The following DNAJC16 variants were observed in gnomAD, a reference collection of about 807,000 sequenced individuals.
The protein encoded by DNAJC16 is DnaJ heat shock protein family (Hsp40) member C16, also known as dnaJ homolog subfamily C member 16.
Under a neutral mutation model 92.7 loss-of-function variants are expected in DNAJC16, and 76 were observed. The ratio of observed to expected loss-of-function variants is 0.82; its 90% CI spans 0.68 to 0.99. The LOEUF (loss-of-function observed/expected upper bound fraction) is 0.99. DNAJC16 is among the 50% of genes least tolerant of loss of function. The pLI is 0.00. For synonymous variants in DNAJC16, 328 were observed against 358.7 expected (o/e 0.91, Z 0.97); for missense variants, 869 against 942.4 (o/e 0.92, Z 1.02).
chr1:15,537,058 C>T (rs1481862881), intron 4 of DNAJC16, among the ~76,000 whole-genome samples: 3 of 152,112 alleles, frequency 2.0e-5, no homozygotes, highest in Non-Finnish European at 4.4e-5. Context: ...ACCACGTTGG[C>T]CAGGCCGGCT....
Position 15,529,120 on chromosome 1 carries a change from G to A in DNAJC16, c.15G>A (p.Lys5=). The part of the protein sequence containing the change: MEVR[K]LSISWQFLIV... ...AAGGAAGAGAAATGGAAGTGAGAAA[G>A]TTGAGCATTTCCTGGCAGTTCTTGA... The change falls in exon 2 of 15, where the codon AAG becomes AAA. Residue 5 remains lysine (K), a synonymous_variant. Transcript: ENST00000375847. 1 of 1,613,648 alleles carries A rather than the reference G, an allele frequency of 6.2e-7. No individual in the cohort carries two copies. Among genetic ancestry groups the A allele is most frequent in the Non-Finnish European group, 8.5e-7 (1 of 1,179,910 alleles).
At position 15,536,510 on chromosome 1, in the gene DNAJC16, T is replaced by C. The variant is rs1710789026; in HGVS notation, c.270T>C (p.Asp90=). Residue 90 remains aspartate, a synonymous_variant, in exon 4 of 15, where the codon GAT becomes GAC. Transcript: ENST00000375847. ...LSNEEKRSNY[D]QYGDAGENQG... is the part of the protein sequence containing the mutation. ...ATGAAGAAAAGAGATCAAATTATGA[T>C]CAATATGGAGACGCTGGAGAGAACC... 6.2e-7 allele frequency: 1 copy of C among 1,608,072 alleles called. No individual in the cohort carries two copies. The highest frequency in any genetic ancestry group is 8.5e-7 in the Non-Finnish European group (1 of 1,178,074).
chr1:15,549,489 C>T (rs1243072044), intron 7 of DNAJC16, among the ~76,000 whole-genome samples: 4 of 152,126 alleles, frequency 2.6e-5, no homozygotes, highest in African/African-American at 9.7e-5. Context: ...CACAGTCAAC[C>T]AGGTCCAAAA....
At chr1:15,565,732 T>C in intron 11 of DNAJC16, 187 bp from the exon 12 acceptor site, 4 of 628,166 alleles carry the variant, frequency 6.4e-6, no homozygotes, top group South Asian at 5.8e-5. Flanking sequence ...GTCTGTGAAT[T>C]AGAACACTGA....
At chr1:15,546,905 C>G in intron 6 of DNAJC16, 34 bp downstream of exon 6, 1 of 1,098,570 alleles carries the variant, frequency 9.1e-7, no homozygotes, top group Non-Finnish European at 1.2e-6. Context: ...GTTTCTTTTT[C>G]TTTTCTTTTC....
At chr1:15,548,560 A>T (rs1464608918) in intron 7 of DNAJC16, 132 bp downstream of exon 7, 4 of 890,118 alleles carry the variant, frequency 4.5e-6, no homozygotes, top group African/African-American at 3.4e-5. Flanking sequence ...TTTTTAATGA[A>T]TTTTTTTATC....
chr1:15,547,910 T>C (rs1195048057), intron 6 of DNAJC16, among the ~76,000 whole-genome samples: 3 of 152,100 alleles, frequency 2.0e-5, no homozygotes, highest in Admixed American at 6.5e-5. Flanking sequence ...CTACCTCTCA[T>C]GTCACTGTGA....
At chr1:15,559,973 G>A (rs569613225) in intron 8 of DNAJC16, among the ~76,000 whole-genome samples, 2 of 147,810 alleles carry the variant, frequency 1.4e-5, no homozygotes, top group South Asian at 4.3e-4. Context: ...TGAGGCAGGA[G>A]AATCACTTGA....
In DNAJC16 at chr1:15,559,667, AAGG is replaced by A. The variant is rs769256769; in HGVS notation, c.1154+12_1154+14del. 6.2e-7 allele frequency: 1 copy of A among 1,613,120 alleles called. No homozygotes were observed. Among genetic ancestry groups the A allele is most frequent in the Admixed American group, 1.7e-5 (1 of 59,838 alleles). On this transcript the variant is annotated intron_variant, in intron 8 of 14. Coordinates refer to ENST00000375847, the MANE Select transcript of DNAJC16 (RefSeq NM_015291.4). Reference sequence around the variant, plus strand: ...GCATCGACAGAGGAAGTAAGGACTTAAGGCTTTGCCTCTGCTTGTTATTACAAT... The same window carrying A: ...GCATCGACAGAGGAAGTAAGGACTTACTTTGCCTCTGCTTGTTATTACAAT...
chr1:15,567,195 G>A lies in DNAJC16; in HGVS notation c.1875G>A (p.Val625=), dbSNP rs1638832861. Residue 625 remains valine (V), a synonymous_variant, in exon 14 of 15, where the codon GTG becomes GTA. Transcript: ENST00000375847. ...GTCTGAGGCCAGGCCACATGAATGT[G>A]GTCCTCATCCTGTCGAATTCTACCA... ...LVRLRPGHMN[V]VLILSNSTKT... 1 of 1,614,082 alleles carries A rather than the reference G, an allele frequency of 6.2e-7. No homozygotes were observed. Among genetic ancestry groups the A allele is most frequent in the Non-Finnish European group, 8.5e-7 (1 of 1,179,982 alleles).
chr1:15,564,828 CATTTTTT>C (rs1303911531), intron 11 of DNAJC16, among the ~76,000 whole-genome samples: 2 of 150,254 alleles, frequency 1.3e-5, no homozygotes, highest in Non-Finnish European at 3.0e-5. Flanking sequence ...TGCTCCCGGA[CATTTTTT>C]ATTTTTTATT....
At chr1:15,554,907 G>T (rs1042763450) in intron 7 of DNAJC16, among the ~76,000 whole-genome samples, 19 of 151,948 alleles carry the variant, frequency 1.3e-4, no homozygotes, top group Non-Finnish European at 1.6e-4. Context: ...CTTTGAACAT[G>T]ATATATCTGT....
chr1:15,553,759 G>A (rs1035476724), intron 7 of DNAJC16, among the ~76,000 whole-genome samples: 1 of 151,984 alleles, frequency 6.6e-6, no homozygotes, highest in Non-Finnish European at 1.5e-5. Flanking sequence ...GCACTATCCT[G>A]TTTTCTAACA....
At position 15,569,460 on chromosome 1, in the gene DNAJC16, A is replaced by C. The variant is rs1015846860; in HGVS notation, c.*1283A>C. On this transcript the variant is annotated 3_prime_UTR_variant, in exon 15 of 15. Transcript: ENST00000375847. ...GGTATAGTGGACCCCAGGGTGCCTCATACCAGCCAGTTAGAGAGCATACCT... is the reference window on the plus strand; with the variant it reads ...GGTATAGTGGACCCCAGGGTGCCTCCTACCAGCCAGTTAGAGAGCATACCT... 2 of 152,134 alleles carry C rather than the reference A, an allele frequency of 1.3e-5. No homozygotes were observed. Among genetic ancestry groups the C allele is most frequent in the Admixed American group, 1.3e-4 (2 of 15,264 alleles). 9.4% of individuals were successfully genotyped at this position (152,134 alleles called of 1,614,324 possible).
intron 3 of DNAJC16, among the ~76,000 whole-genome samples, chr1:15,534,729 A>AAT (rs1234474763): frequency 6.6e-6 from 1 of 152,164 alleles, no homozygotes; most frequent in East Asian, 1.9e-4. Flanking sequence ...AATAAAATAA[A>AAT]AAATAATAGA....
chr1:15,542,393 C>G (rs1191052892), intron 4 of DNAJC16: 1 of 152,250 alleles, frequency 6.6e-6, no homozygotes, highest in Non-Finnish European at 1.5e-5. Flanking sequence ...ATGGAGGTGC[C>G]TGGAGGGTGG....
At chr1:15,543,133 A>G (rs925775228) in intron 4 of DNAJC16, among the ~76,000 whole-genome samples, 6 of 152,212 alleles carry the variant, frequency 3.9e-5, no homozygotes, top group Non-Finnish European at 7.3e-5. Flanking sequence ...CCCTATCTTC[A>G]TGAGGCTTAC....
chr1:15,561,848 A>G (rs1156255899), intron 8 of DNAJC16, among the ~76,000 whole-genome samples: 1 of 136,142 alleles, frequency 7.3e-6, no homozygotes, highest in Middle Eastern at 3.8e-3. Flanking sequence ...GGCAATATAA[A>G]CAAAACTATA....
intron 8 of DNAJC16, 73 bp from the exon 9 acceptor site, chr1:15,562,069 C>T: frequency 1.4e-6 from 2 of 1,477,530 alleles, no homozygotes; most frequent in Non-Finnish European, 1.8e-6. Context: ...TCTTCTTCAC[C>T]TTCACTTGCC....
Sources: gnomAD v4.1 joint callset for allele counts (sites outside exome capture counted in the v4.1 genomes callset) on GRCh38, gnomAD v4.1.1 for gene constraint, MANE v1.5 for transcripts, NCBI Gene and HGNC (gene_info 2026-07-23, HGNC 2026-07-21) for gene names.